The following GPD1L variants were observed in gnomAD, a reference collection of about 807,000 sequenced individuals.
GPD1L encodes the protein glycerol-3-phosphate dehydrogenase 1-like protein.
Under a neutral mutation model 32.9 loss-of-function variants are expected in GPD1L, and 17 were observed. That is an observed-to-expected ratio of 0.52 (90% confidence interval 0.35 to 0.78). The LOEUF (loss-of-function observed/expected upper bound fraction) is 0.78, where lower values mean the gene tolerates loss of function less well. Among genes scored for constraint, GPD1L ranks in the 30% least tolerant of loss-of-function variants. The pLI is 0.01. For missense variants in GPD1L, 361 were observed against 447.8 expected (o/e 0.81, Z 1.75); for synonymous variants, 187 against 165.9 (o/e 1.13, Z -0.98).
At position 32,166,085 on chromosome 3, in the gene GPD1L, C is replaced by A; in HGVS notation, c.*175C>A. On this transcript the variant is annotated 3_prime_UTR_variant, in exon 8 of 8. Coordinates refer to ENST00000282541, the MANE Select transcript of GPD1L (RefSeq NM_015141.4). Reference sequence around the variant, plus strand: ...GAGGCAGTTCATTAGCAAAGATGTACTGGGCAGTAACTAAACACACATGCA... The same window carrying A: ...GAGGCAGTTCATTAGCAAAGATGTAATGGGCAGTAACTAAACACACATGCA... 1.5e-6 allele frequency: 1 copy of A among 659,194 alleles called. No individual in the cohort carries two copies. 40.8% of individuals were successfully genotyped at this position (659,194 alleles called of 1,614,324 possible).
At chr3:32,122,382 G>A (rs1239851546) in intron 1 of GPD1L, among the ~76,000 whole-genome samples, 2 of 152,108 alleles carry the variant, frequency 1.3e-5, no homozygotes, top group Non-Finnish European at 2.9e-5. Context: ...TTCATCATCT[G>A]TAAAATGGGG....
chr3:32,145,644 G>A (rs1229168683), intron 4 of GPD1L, among the ~76,000 whole-genome samples: 1 of 152,172 alleles, frequency 6.6e-6, no homozygotes, highest in Non-Finnish European at 1.5e-5. Context: ...GCAGTGGGAG[G>A]AGACACGATG....
chr3:32,132,861 C>G (rs1700606444), intron 2 of GPD1L, among the ~76,000 whole-genome samples: 1 of 152,092 alleles, frequency 6.6e-6, no homozygotes. Flanking sequence ...CAGAAGTAGC[C>G]TTACTTACCA....
chr3:32,146,333 G>T (rs929685647), intron 4 of GPD1L, among the ~76,000 whole-genome samples: 1 of 152,034 alleles, frequency 6.6e-6, no homozygotes, highest in East Asian at 1.9e-4. Context: ...TGATCTGCCC[G>T]CCTCAGCCTC....
At chr3:32,149,276 G>A (rs1348639935) in intron 5 of GPD1L, among the ~76,000 whole-genome samples, 1 of 152,136 alleles carries the variant, frequency 6.6e-6, no homozygotes, top group Admixed American at 6.6e-5. Flanking sequence ...GTTCAGGCTG[G>A]TCTTGAACTT....
chr3:32,107,309 T>C (rs1230598532), intron 1 of GPD1L, among the ~76,000 whole-genome samples: 1 of 152,118 alleles, frequency 6.6e-6, no homozygotes, highest in East Asian at 1.9e-4. Context: ...AGGAAGAAAA[T>C]CCAAGTTTCA....
chr3:32,158,600 A>G, intron 5 of GPD1L: 1 of 596,458 alleles, frequency 1.7e-6, no homozygotes, highest in Non-Finnish European at 2.9e-6. Flanking sequence ...TTAACCAAAG[A>G]CTACTATCAG....
intron 7 of GPD1L, among the ~76,000 whole-genome samples, chr3:32,164,361 C>T (rs1701116137): frequency 6.6e-6 from 1 of 152,222 alleles, no homozygotes; most frequent in South Asian, 2.1e-4. Flanking sequence ...TCACGGAGCA[C>T]CTGCCCCTTG....
At chr3:32,120,874 T>A (rs1302475876) in intron 1 of GPD1L, among the ~76,000 whole-genome samples, 1 of 152,132 alleles carries the variant, frequency 6.6e-6, no homozygotes. Context: ...ATACTACACC[T>A]TTTTAGAGAG....
chr3:32,124,634 A>T (rs929194266), intron 1 of GPD1L, among the ~76,000 whole-genome samples: 5 of 152,154 alleles, frequency 3.3e-5, no homozygotes, highest in Admixed American at 6.5e-5. Context: ...TGAGTTCAAC[A>T]TGGAGATTGG....
At chr3:32,137,526 C>T (rs933310225) in intron 2 of GPD1L, among the ~76,000 whole-genome samples, 3 of 152,166 alleles carry the variant, frequency 2.0e-5, no homozygotes, top group African/African-American at 7.2e-5. Context: ...TTGATGCTCC[C>T]TTGATCAGAA....
Position 32,140,262 on chromosome 3 carries a change from T to C in GPD1L, c.401T>C (p.Ile134Thr), listed in dbSNP as rs1477583218. Reference protein sequence around the residue: ...IDEGPEGLKLISDIIREKMGI... With the variant: ...IDEGPEGLKLTSDIIREKMGI... The stretch of plus-strand genomic sequence containing the variant: ...GAGGGCCCCGAGGGGCTGAAGCTCA[T>C]TTCTGACATCATCCGTGAGAAGATG... Residue 134 changes from isoleucine (I) to threonine (T), a missense_variant, in exon 4 of 8, where the codon ATT becomes ACT. Ile to Thr is a moderately conservative substitution (Grantham distance 89, BLOSUM62 -1). Transcript: ENST00000282541. The C allele has an allele frequency of 1.2e-6, 2 of 1,614,000 alleles. No homozygotes were observed. Among genetic ancestry groups the C allele is most frequent in the South Asian group, 1.1e-5 (1 of 91,084 alleles).
At position 32,159,120 on chromosome 3, in the gene GPD1L, A is replaced by G. The variant is rs1427967446; in HGVS notation, c.852+11A>G. The G allele has an allele frequency of 6.3e-7, 1 of 1,599,222 alleles. No homozygotes were observed. Among genetic ancestry groups the G allele is most frequent in the Admixed American group, 1.7e-5 (1 of 59,980 alleles). ...GCCAGAACTGGGAAGGTAGCCCCTC[A>G]CCTGCTCTCCCGCACCCCCTCCTTC... On this transcript the variant is annotated intron_variant, in intron 6 of 7. Transcript: ENST00000282541.
intron 1 of GPD1L, among the ~76,000 whole-genome samples, chr3:32,109,722 C>G (rs1317802099): frequency 3.3e-5 from 5 of 152,186 alleles, no homozygotes; most frequent in Non-Finnish European, 7.3e-5. Context: ...AGTCAGTAGA[C>G]ATTTGAGTGT....
chr3:32,131,495 G>A (rs530886908), intron 2 of GPD1L, among the ~76,000 whole-genome samples: 6 of 152,188 alleles, frequency 3.9e-5, no homozygotes, highest in South Asian at 4.1e-4. Flanking sequence ...TGTAAATTGC[G>A]TCTTACAATA....
chr3:32,146,083 CTTTTTTTTT>C (rs59106750), intron 4 of GPD1L, among the ~76,000 whole-genome samples: 7 of 126,150 alleles, frequency 5.5e-5, no homozygotes, highest in African/African-American at 8.9e-5. Context: ...ATGCTTTTTT[CTTTTTTTTT>C]TTTTTTTTTT....
At chr3:32,132,833 G>A (rs1342532992) in intron 2 of GPD1L, among the ~76,000 whole-genome samples, 8 of 152,186 alleles carry the variant, frequency 5.3e-5, no homozygotes, top group Admixed American at 3.3e-4. Flanking sequence ...GAATCCAGGC[G>A]ATGGATAGCT....
intron 3 of GPD1L, 56 bp from the exon 4 acceptor site, chr3:32,140,168 TATCC>T: frequency 2.5e-6 from 4 of 1,588,642 alleles, no homozygotes; most frequent in Non-Finnish European, 2.6e-6. Context: ...GGACATCTAC[TATCC>T]CATGCCTCTT....
At chr3:32,116,688 A>G (rs1219226637) in intron 1 of GPD1L, among the ~76,000 whole-genome samples, 1 of 152,166 alleles carries the variant, frequency 6.6e-6, no homozygotes, top group African/African-American at 2.4e-5. Context: ...TAAATTTACT[A>G]CTACTTGGAC....
Sources: allele counts gnomAD v4.1 joint callset (sites outside exome capture counted in the v4.1 genomes callset), GRCh38; gene constraint gnomAD v4.1.1; transcripts MANE v1.5; gene names NCBI Gene and HGNC (gene_info 2026-07-23, HGNC 2026-07-21).